VWA8: variants seen among roughly 807,000 people sequenced by gnomAD.
VWA8 encodes von Willebrand factor A domain-containing protein 8.
Under a neutral mutation model 241.5 loss-of-function variants are expected in VWA8, and 221 were observed. The ratio of observed to expected loss-of-function variants is 0.91; its 90% confidence interval spans 0.82 to 1.02. The LOEUF (loss-of-function observed/expected upper bound fraction) is 1.02. Among genes scored for constraint, VWA8 ranks in the 50% least tolerant of loss-of-function variants. The pLI is 0.00. For missense variants in VWA8, 2,322 were observed against 2,328.7 expected, an observed-to-expected ratio of 1.00 and a Z score of 0.06; for synonymous variants, 852 against 827.1, an observed-to-expected ratio of 1.03 and a Z score of -0.52.
chr13:41,769,828 T>C (rs934636614), intron 20 of VWA8, among the ~76,000 whole-genome samples: 3 of 152,206 alleles, frequency 2.0e-5, no homozygotes, highest in Non-Finnish European at 2.9e-5. Flanking sequence ...TAAAAGTACA[T>C]TGAAAATTCT....
intron 42 of VWA8, among the ~76,000 whole-genome samples, chr13:41,583,420 G>T (rs951896896): frequency 6.6e-6 from 1 of 152,126 alleles, no homozygotes; most frequent in Non-Finnish European, 1.5e-5. Flanking sequence ...AAAGCGGGCA[G>T]AACATGAGGT....
chr13:41,784,713 T>TATATATATACAC (rs1175783567), intron 18 of VWA8, among the ~76,000 whole-genome samples: 2 of 70,702 alleles, frequency 2.8e-5, no homozygotes, highest in African/African-American at 8.5e-5. Context: ...TATATATATA[T>TATATATATACAC]ATATATATAT....
chr13:41,573,923 T>TA (rs1285286628), intron 43 of VWA8, among the ~76,000 whole-genome samples: 2 of 151,954 alleles, frequency 1.3e-5, no homozygotes, highest in Non-Finnish European at 2.9e-5. Flanking sequence ...TGCCTGGCCG[T>TA]AAAAAATAAT....
At chr13:41,597,762 C>T (rs1257182452) in intron 40 of VWA8, among the ~76,000 whole-genome samples, 1 of 151,954 alleles carries the variant, frequency 6.6e-6, no homozygotes, top group Non-Finnish European at 1.5e-5. Flanking sequence ...GGATTCCACC[C>T]TAGAAAACCT....
At chr13:41,573,251 TACAAA>T (rs990494644) in intron 43 of VWA8, among the ~76,000 whole-genome samples, 6 of 147,816 alleles carry the variant, frequency 4.1e-5, no homozygotes, top group Non-Finnish European at 5.9e-5. Context: ...CTACTAAAGA[TACAAA>T]ACAAAACAAA....
intron 43 of VWA8, among the ~76,000 whole-genome samples, chr13:41,572,080 C>T (rs1459004289): frequency 1.3e-5 from 2 of 151,932 alleles, no homozygotes; most frequent in Non-Finnish European, 2.9e-5. Context: ...ATCGGCTGCC[C>T]CGTCTGAGCA....
At chr13:41,732,558 A>G (rs137945859) in intron 21 of VWA8, among the ~76,000 whole-genome samples, 3 of 151,814 alleles carry the variant, frequency 2.0e-5, no homozygotes, top group Non-Finnish European at 4.4e-5. Flanking sequence ...TTTGGTAATG[A>G]TTGGCATGCT....
At chr13:41,659,155 C>A (rs539729638) in intron 37 of VWA8, among the ~76,000 whole-genome samples, 2 of 152,326 alleles carry the variant, frequency 1.3e-5, no homozygotes, top group African/African-American at 4.8e-5. Flanking sequence ...AACAACATCA[C>A]CCATCATGAC....
At chr13:41,939,302 G>A (rs930427207) in intron 2 of VWA8, among the ~76,000 whole-genome samples, 10 of 152,174 alleles carry the variant, frequency 6.6e-5, no homozygotes, top group African/African-American at 2.4e-4. Context: ...AAGCACAAAA[G>A]CATGAAAGAA....
At chr13:41,677,996 G>C (rs2045072197) in intron 35 of VWA8, among the ~76,000 whole-genome samples, 1 of 152,202 alleles carries the variant, frequency 6.6e-6, no homozygotes, top group Non-Finnish European at 1.5e-5. Flanking sequence ...TAACAAATGT[G>C]TTTGAGCATA....
chr13:41,627,120 T>C (rs2044697184), intron 37 of VWA8, among the ~76,000 whole-genome samples: 1 of 151,990 alleles, frequency 6.6e-6, no homozygotes, highest in Non-Finnish European at 1.5e-5. Flanking sequence ...GAGACACTTC[T>C]CAAAAGAAGA....
At chr13:41,927,126 C>T (rs1876885164) in intron 2 of VWA8, 1 of 400,692 alleles carries the variant, frequency 2.5e-6, no homozygotes, top group Admixed American at 3.3e-5. Flanking sequence ...GAACAACAGG[C>T]CAAAGCCAAG....
Position 41,933,844 on chromosome 13 carries a change from C to T in VWA8, c.241+16092G>A, listed in dbSNP as rs138544399. Among the ~76,000 whole-genome samples the T allele has an allele frequency of 3.9e-5, 6 of 152,002 alleles. No individual in the cohort carries two copies. The East Asian group carries it at 1.2e-3, about 29-fold the overall frequency. On this transcript the variant is annotated intron_variant, in intron 2 of 44. Coordinates refer to ENST00000379310, the MANE Select transcript of VWA8 (RefSeq NM_015058.2). ...ATGACAGACACAAATGTAAAATGCA[C>T]AAGTACAACTACATCTAGAAAAAAA...
intron 12 of VWA8, among the ~76,000 whole-genome samples, chr13:41,840,166 T>C (rs1360936811): frequency 6.6e-6 from 1 of 152,110 alleles, no homozygotes; most frequent in Non-Finnish European, 1.5e-5. Context: ...GTTTTGGCTG[T>C]TTGTCTATTA....
At chr13:41,668,321 G>A (rs1365523302) in intron 37 of VWA8, among the ~76,000 whole-genome samples, 1 of 152,096 alleles carries the variant, frequency 6.6e-6, no homozygotes, top group South Asian at 2.1e-4. Context: ...TTTCCATGAT[G>A]TAAAAAGTAA....
rs536491645 is a variant in VWA8, at chr13:41,864,469, T to C, written c.1425+1267A>G. 165 of 334,720 alleles carry C rather than the reference T, an allele frequency of 4.9e-4. 1 individual carries two copies. The highest frequency in any genetic ancestry group is 5.9e-4 in the Non-Finnish European group (103 of 173,566). The allele number at this position is 334,720 out of a possible 1,614,324, so 20.7% of individuals were successfully genotyped here. On this transcript the variant is annotated intron_variant, in intron 12 of 44. Coordinates refer to ENST00000379310, the MANE Select transcript of VWA8 (RefSeq NM_015058.2). ...ACCAATGGAGAAACAAAGAGTGGTA[T>C]AGACATACAACAGAATATGACTTTG...
At chr13:41,834,497 A>T (rs1405515559) in intron 12 of VWA8, among the ~76,000 whole-genome samples, 1 of 152,230 alleles carries the variant, frequency 6.6e-6, no homozygotes, top group Non-Finnish European at 1.5e-5. Context: ...TGAAACCAAG[A>T]TTAAAATTTA....
intron 4 of VWA8, among the ~76,000 whole-genome samples, chr13:41,898,469 TAA>T (rs1259872341): frequency 7.2e-5 from 11 of 152,060 alleles, no homozygotes; most frequent in Admixed American, 6.5e-4. Flanking sequence ...GAGCTAGACA[TAA>T]AGACTCTCCA....
chr13:41,578,867 G>A (rs1429421616), intron 42 of VWA8, among the ~76,000 whole-genome samples: 1 of 152,172 alleles, frequency 6.6e-6, no homozygotes, highest in East Asian at 1.9e-4. Context: ...AGCCTCAACT[G>A]CAGAGGACCA....
Sources: allele counts gnomAD v4.1 joint callset (sites outside exome capture counted in the v4.1 genomes callset), GRCh38; gene constraint gnomAD v4.1.1; transcripts MANE v1.5; gene names NCBI Gene and HGNC (gene_info 2026-07-23, HGNC 2026-07-21).